Variants in SYNE2 observed in about 807,000 individuals in gnomAD.
The protein encoded by SYNE2 is spectrin repeat containing nuclear envelope protein 2, also known as nesprin-2.
Under a neutral mutation model 856.3 loss-of-function variants are expected in SYNE2, and 431 were observed. The ratio of observed to expected loss-of-function variants is 0.50; its 90% confidence interval spans 0.47 to 0.55. The LOEUF (loss-of-function observed/expected upper bound fraction) is 0.55, where lower values mean the gene tolerates loss of function less well. Among genes scored for constraint, SYNE2 ranks in the 20% least tolerant of loss-of-function variants. The pLI is 0.00. For synonymous variants in SYNE2, 2,923 were observed against 2,872.3 expected (o/e 1.02, Z -0.56); for missense variants, 8,129 against 8,023.2 (o/e 1.01, Z -0.50).
At chr14:63,788,097 G>A (rs150557297) in intron 1 of SYNE2, among the ~76,000 whole-genome samples, 3 of 152,342 alleles carry the variant, frequency 2.0e-5, no homozygotes, top group South Asian at 2.1e-4. Context: ...AAGCACTGCC[G>A]CAAGCTTGAG....
At chr14:63,988,161 C>T (rs1370681664) in intron 19 of SYNE2, among the ~76,000 whole-genome samples, 2 of 152,156 alleles carry the variant, frequency 1.3e-5, no homozygotes, top group Admixed American at 6.5e-5. Flanking sequence ...ATGGCTCACT[C>T]GACCTCCCCA....
intron 1 of SYNE2, among the ~76,000 whole-genome samples, chr14:63,898,024 T>C (rs2095281528): frequency 6.6e-6 from 1 of 152,242 alleles, no homozygotes; most frequent in Non-Finnish European, 1.5e-5. Context: ...TATCATGAGC[T>C]GCTTTATGTT....
intron 112 of SYNE2, among the ~76,000 whole-genome samples, chr14:64,222,855 T>C (rs952187161): frequency 1.3e-5 from 2 of 152,216 alleles, no homozygotes; most frequent in African/African-American, 4.8e-5. Context: ...TCTCGGTTGA[T>C]TGACTTTAGA....
At chr14:64,005,576 A>G (rs566574043) in intron 30 of SYNE2, among the ~76,000 whole-genome samples, 3 of 152,202 alleles carry the variant, frequency 2.0e-5, no homozygotes, top group Non-Finnish European at 4.4e-5. Context: ...CTGAGATGAA[A>G]AAGACTAAAG....
At chr14:63,842,318 A>G (rs1890094845) in intron 1 of SYNE2, among the ~76,000 whole-genome samples, 2 of 149,920 alleles carry the variant, frequency 1.3e-5, no homozygotes. Context: ...ATCACAGGCT[A>G]ATTTTGTATT....
intron 96 of SYNE2, among the ~76,000 whole-genome samples, chr14:64,184,005 A>G (rs1218441001): frequency 6.6e-6 from 1 of 151,264 alleles, no homozygotes; most frequent in Non-Finnish European, 1.5e-5. Flanking sequence ...GAGAGGGAGC[A>G]ATTTAATTTA....
chr14:64,140,737 C>T (rs2098132474), intron 80 of SYNE2, among the ~76,000 whole-genome samples: 1 of 152,064 alleles, frequency 6.6e-6, no homozygotes, highest in Non-Finnish European at 1.5e-5. Context: ...TACTAAAAAG[C>T]TTTTGTTCCA....
In SYNE2 at chr14:64,062,871, T is replaced by C; in HGVS notation, c.10188T>C (p.Ala3396=). Residue 3396 remains alanine (A), a synonymous_variant, in exon 50 of 116, where the codon GCT becomes GCC. Coordinates refer to ENST00000555002, the MANE Select transcript of SYNE2 (RefSeq NM_182914.3). ...MSSLPLSYRE[A]LERLEQSKAL... ...CGTTGCCACTGTCTTACAGAGAAGC[T>C]TTAGAGCGCTTGGAACAGAGCAAGG... is the stretch of plus-strand genomic sequence containing the variant. 1.2e-6 allele frequency: 2 copies of C among 1,614,136 alleles called. No homozygotes were observed. Among genetic ancestry groups the C allele is most frequent in the Non-Finnish European group, 8.5e-7 (1 of 1,180,024 alleles).
rs992891517 is a variant in SYNE2, at chr14:64,060,050, C to T, written c.10068-2701C>T. ...CAGGCCTGAGACTCACCATTCAGGA[C>T]AGTGGGCTCGCTCCTCTGGCCCAGG... On this transcript the variant is annotated intron_variant, in intron 49 of 115. Transcript: ENST00000555002. 2.6e-5 allele frequency among the ~76,000 whole-genome samples: 4 copies of T among 152,154 alleles called. No homozygotes were observed. The South Asian group carries it at 8.3e-4, about 32-fold the overall frequency.
intron 71 of SYNE2, among the ~76,000 whole-genome samples, chr14:64,125,485 T>C (rs1002505087): frequency 6.6e-6 from 1 of 152,086 alleles, no homozygotes; most frequent in African/African-American, 2.4e-5. Flanking sequence ...GATCTGGGAT[T>C]GGAAGGGTGA....
intron 109 of SYNE2, 112 bp from the exon 110 acceptor site, chr14:64,219,096 G>GTTTTTTTGTTT (rs2098680476): frequency 4.0e-6 from 3 of 758,744 alleles, no homozygotes; most frequent in East Asian, 3.8e-5. Flanking sequence ...ATCCCCTACA[G>GTTTTTTTGTTT]TTTTTTTGTT....
chr14:64,153,015 T>A (rs2098256659), intron 85 of SYNE2, among the ~76,000 whole-genome samples: 1 of 152,202 alleles, frequency 6.6e-6, no homozygotes, highest in South Asian at 2.1e-4. Flanking sequence ...CCCAACAGAG[T>A]ATCTGGCATT....
chr14:64,127,878 A>G (rs1595707799), intron 73 of SYNE2, among the ~76,000 whole-genome samples: 1 of 152,212 alleles, frequency 6.6e-6, no homozygotes. Context: ...GCCTGTGGGA[A>G]ACTGTACTGA....
At chr14:63,874,775 A>T (rs546346899) in intron 1 of SYNE2, among the ~76,000 whole-genome samples, 109 of 152,338 alleles carry the variant, frequency 7.2e-4, no homozygotes, top group Middle Eastern at 3.4e-3. Context: ...AGCTTCATTA[A>T]GTAACTTTTT....
At chr14:63,933,185 ATT>A (rs1385430019) in intron 2 of SYNE2, among the ~76,000 whole-genome samples, 1 of 152,214 alleles carries the variant, frequency 6.6e-6, no homozygotes, top group Non-Finnish European at 1.5e-5. Flanking sequence ...GAGATGCCAC[ATT>A]TTAATCCTGC....
intron 55 of SYNE2, among the ~76,000 whole-genome samples, chr14:64,079,613 C>A (rs546879953): frequency 2.0e-5 from 3 of 152,328 alleles, no homozygotes; most frequent in Admixed American, 6.5e-5. Flanking sequence ...TTGAATCCAA[C>A]CTATTGGTTT....
chr14:64,225,037 A>G lies in SYNE2; in HGVS notation c.20508A>G (p.Thr6836=), dbSNP rs142443256. The change falls in exon 115 of 116, where the codon ACA becomes ACG. Residue 6836 remains threonine (T), a synonymous_variant. Coordinates refer to ENST00000555002, the MANE Select transcript of SYNE2 (RefSeq NM_182914.3). ...GAACTACAGAAGGCGAGGAGGAGAC[A>G]GAGAGCAGGTAACGGGGCTTTACCG... is the stretch of plus-strand genomic sequence containing the variant. ...AVRTTEGEEE[T]ESRVPGSTRP... is the part of the protein sequence containing the mutation. The G allele has an allele frequency of 1.9e-6, 3 of 1,613,950 alleles. No individual in the cohort carries two copies. The highest frequency in any genetic ancestry group is 2.7e-5 in the African/African-American group (2 of 74,916).
chr14:64,097,063 AC>A (rs1285736261), intron 61 of SYNE2, among the ~76,000 whole-genome samples: 4 of 152,232 alleles, frequency 2.6e-5, no homozygotes, highest in African/African-American at 9.6e-5. Flanking sequence ...TGTATTTGTC[AC>A]CTGCTGTTTC....
chr14:64,150,028 T>G (rs2098226109), intron 84 of SYNE2, among the ~76,000 whole-genome samples: 1 of 109,754 alleles, frequency 9.1e-6, no homozygotes, highest in East Asian at 3.0e-4. Flanking sequence ...TTTTTTTTTT[T>G]TGATACAGGG....
Sources: allele counts gnomAD v4.1 joint callset (sites outside exome capture counted in the v4.1 genomes callset), GRCh38; gene constraint gnomAD v4.1.1; transcripts MANE v1.5; gene names NCBI Gene and HGNC (gene_info 2026-07-23, HGNC 2026-07-21).